The following NUFIP2 variants were observed in gnomAD, a reference collection of about 807,000 sequenced individuals.
NUFIP2 encodes nuclear FMR1 interacting protein 2, also known as FMR1-interacting protein NUFIP2.
A neutral mutation model predicts 56.9 loss-of-function variants in NUFIP2; 6 were observed. The observed-to-expected ratio is 0.11, with a 90% CI of 0.06 to 0.21. The LOEUF is 0.21. Ranked by LOEUF, NUFIP2 falls within the 10% of genes least tolerant of loss-of-function variation. NUFIP2 has a pLI of 1.00. For synonymous variants in NUFIP2, 321 were observed against 298.2 expected (o/e 1.08, Z -0.79); for missense variants, 828 against 826.8 (o/e 1.00, Z -0.02).
At chr17:29,287,809 G>C in intron 1 of NUFIP2, 93 bp from the exon 2 acceptor site, 1 of 1,184,308 alleles carries the variant, frequency 8.4e-7, no homozygotes, top group East Asian at 2.5e-5. Flanking sequence ...CTGTATGCTA[G>C]ACACTATGCT....
chr17:29,277,716 T>TA (rs776590990), intron 2 of NUFIP2, among the ~76,000 whole-genome samples: 26 of 151,988 alleles, frequency 1.7e-4, no homozygotes, highest in Admixed American at 3.9e-4. Flanking sequence ...CAGAGAGAAA[T>TA]ATAGCATGTT....
chr17:29,284,427 C>G (rs1303662455), intron 2 of NUFIP2, among the ~76,000 whole-genome samples: 1 of 152,108 alleles, frequency 6.6e-6, no homozygotes, highest in Non-Finnish European at 1.5e-5. Context: ...AACATGAGGC[C>G]TGGCACGGTG....
rs935476894 is a variant in NUFIP2 at position 29,258,612 on chromosome 17, T to G, written c.*5927A>C. On this transcript the variant is annotated 3_prime_UTR_variant, in exon 4 of 4. Transcript: ENST00000225388. Reference sequence around the variant, plus strand: ...AAACTATTTTCAGTAGTAGAAGACATTTAAGGCCAAAAAGTGTACTATTAA... The same window carrying G: ...AAACTATTTTCAGTAGTAGAAGACAGTTAAGGCCAAAAAGTGTACTATTAA... 6.6e-6 allele frequency: 1 copy of G among 152,156 alleles called. No homozygotes were observed. The highest frequency in any genetic ancestry group is 2.4e-5 in the African/African-American group (1 of 41,422). The allele number at this position is 152,156 out of a possible 1,614,324, so 9.4% of individuals were successfully genotyped here.
intron 2 of NUFIP2, among the ~76,000 whole-genome samples, chr17:29,273,231 G>A (rs954015109): frequency 2.6e-5 from 4 of 152,036 alleles, no homozygotes; most frequent in Admixed American, 2.0e-4. Flanking sequence ...TAGAGATGGG[G>A]TTTCACCATA....
chr17:29,284,692 G>GT (rs1328267650), intron 2 of NUFIP2, among the ~76,000 whole-genome samples: 4 of 99,054 alleles, frequency 4.0e-5, no homozygotes, highest in Non-Finnish European at 7.4e-5. Context: ...GGTGACAAGA[G>GT]TAAGACTCCA....
intron 2 of NUFIP2, among the ~76,000 whole-genome samples, chr17:29,275,553 G>A (rs1041859179): frequency 2.6e-5 from 4 of 152,132 alleles, no homozygotes; most frequent in Non-Finnish European, 4.4e-5. Context: ...TTAACCAAAG[G>A]TAAGACACTT....
In NUFIP2 at chr17:29,286,593, A is replaced by G. The variant is rs559825385; in HGVS notation, c.1401T>C (p.Ile467=). Residue 467 remains isoleucine (I), a synonymous_variant, in exon 2 of 4, where the codon ATT becomes ATC. Transcript: ENST00000225388. ...MSLTSAAVEQ[I]KTSLFIYPSN... ...AAGGATAGATAAAAAGGCTAGTCTT[A>G]ATTTGTTCAACAGCTGCTGAAGTTA... is the stretch of plus-strand genomic sequence containing the variant. The G allele has an allele frequency of 1.0e-4, 163 of 1,614,170 alleles. 1 individual carries two copies. In the South Asian group the frequency reaches 1.7e-3, roughly 17 times the overall value.
intron 3 of NUFIP2, among the ~76,000 whole-genome samples, chr17:29,266,358 C>G (rs1165786682): frequency 6.6e-6 from 1 of 151,984 alleles, no homozygotes. Context: ...ATTGGGAAAT[C>G]AGGGGAAGCT....
At chr17:29,275,323 C>A (rs2069101190) in intron 2 of NUFIP2, among the ~76,000 whole-genome samples, 1 of 152,066 alleles carries the variant, frequency 6.6e-6, no homozygotes, top group South Asian at 2.1e-4. Flanking sequence ...CATACCTGGC[C>A]TCTGAAGAAG....
At chr17:29,267,967 C>G (rs1480169179) in intron 2 of NUFIP2, among the ~76,000 whole-genome samples, 1 of 152,148 alleles carries the variant, frequency 6.6e-6, no homozygotes, top group Non-Finnish European at 1.5e-5. Context: ...GGCCTGATCT[C>G]GGCTCACTGC....
At chr17:29,291,925 G>T (rs1379740988) in intron 1 of NUFIP2, among the ~76,000 whole-genome samples, 1 of 149,982 alleles carries the variant, frequency 6.7e-6, no homozygotes, top group Non-Finnish European at 1.5e-5. Context: ...GTTACAATCT[G>T]CAATAAAAAA....
chr17:29,270,347 C>T (rs562560559), intron 2 of NUFIP2, among the ~76,000 whole-genome samples: 15 of 146,512 alleles, frequency 1.0e-4, no homozygotes, highest in African/African-American at 2.8e-4. Context: ...AAAAAGATGA[C>T]GATCGGAAAT....
intron 2 of NUFIP2, among the ~76,000 whole-genome samples, chr17:29,273,579 C>A (rs2153011362): frequency 6.6e-6 from 1 of 152,248 alleles, no homozygotes; most frequent in East Asian, 1.9e-4. Context: ...GTGATCACAG[C>A]ATCTAATTAT....
chr17:29,266,610 T>C (rs2069038441), intron 3 of NUFIP2, among the ~76,000 whole-genome samples: 1 of 151,904 alleles, frequency 6.6e-6, no homozygotes, highest in Non-Finnish European at 1.5e-5. Flanking sequence ...ACAGCTAATA[T>C]TTTTCTGAAC....
At chr17:29,267,619 CTGAT>C in intron 2 of NUFIP2, 89 bp from the exon 3 acceptor site, 1 of 769,988 alleles carries the variant, frequency 1.3e-6, no homozygotes, top group Non-Finnish European at 2.1e-6. Flanking sequence ...AAATCCTAGA[CTGAT>C]TACTGCCAGA....
At chr17:29,290,049 G>A (rs752459399) in intron 1 of NUFIP2, among the ~76,000 whole-genome samples, 1 of 151,962 alleles carries the variant, frequency 6.6e-6, no homozygotes, top group African/African-American at 2.4e-5. Context: ...AGAGTAGCTG[G>A]GATTACAGGC....
chr17:29,272,497 C>T (rs936908049), intron 2 of NUFIP2, among the ~76,000 whole-genome samples: 2 of 152,158 alleles, frequency 1.3e-5, no homozygotes, highest in African/African-American at 2.4e-5. Context: ...GCCCTGGCCT[C>T]CCGAAGTGCT....
rs377725896 is a variant in NUFIP2 at position 29,285,966 on chromosome 17, C to A, written c.2002+26G>T. On this transcript the variant is annotated intron_variant, in intron 2 of 3. Coordinates refer to ENST00000225388, the MANE Select transcript of NUFIP2 (RefSeq NM_020772.3). ...ATATACTAAATTGGCCAATAAAAAT[C>A]TTTGTATAGGAAACAAATGAGTTAC... 2.6e-4 allele frequency: 405 copies of A among 1,550,362 alleles called. 3 individuals carry two copies. The South Asian group carries it at 4.5e-3, about 17-fold the overall frequency.
Position 29,258,875 on chromosome 17 carries a change from G to A in NUFIP2, c.*5664C>T, listed in dbSNP as rs138715421. The A allele has an allele frequency of 3.9e-3, 597 of 152,252 alleles. 9 individuals carry two copies. Among genetic ancestry groups the A allele is most frequent in the African/African-American group, 0.014 (563 of 41,546 alleles). The allele number at this position is 152,252 out of a possible 1,614,324, so 9.4% of individuals were successfully genotyped here. A position where few individuals can be genotyped will look rare whatever the true frequency, so the allele number is the denominator to read the frequency against. ...ATAGCAGCAGGATTAATCTAAGACA[G>A]AAAACAGTTGTATTTTCATTCTTAA... On this transcript the variant is annotated 3_prime_UTR_variant, in exon 4 of 4. Coordinates refer to ENST00000225388, the MANE Select transcript of NUFIP2 (RefSeq NM_020772.3).
Sources: allele counts gnomAD v4.1 joint callset (sites outside exome capture counted in the v4.1 genomes callset), GRCh38; gene constraint gnomAD v4.1.1; transcripts MANE v1.5; gene names NCBI Gene and HGNC (gene_info 2026-07-23, HGNC 2026-07-21).